The following SLC25A26 variants were observed in gnomAD, a reference collection of about 807,000 sequenced individuals.
The protein encoded by SLC25A26 is solute carrier family 25 member 26, also known as mitochondrial S-adenosylmethionine carrier protein.
Under a neutral mutation model 37.8 loss-of-function variants are expected in SLC25A26, and 36 were observed. That is an observed-to-expected ratio of 0.95 (90% confidence interval 0.73 to 1.26). The LOEUF (loss-of-function observed/expected upper bound fraction) is 1.26. Ranked by LOEUF, SLC25A26 falls within the 50% of genes most tolerant of loss-of-function variation. The pLI, the probability that SLC25A26 is intolerant of heterozygous loss-of-function variation, is 0.00. For synonymous variants in SLC25A26, 129 were observed against 122.5 expected (o/e 1.05, Z -0.35); for missense variants, 390 against 331.1 (o/e 1.18, Z -1.38).
chr3:66,297,057 G>A (rs964983952), intron 5 of SLC25A26, among the ~76,000 whole-genome samples: 1 of 152,180 alleles, frequency 6.6e-6, no homozygotes, highest in African/African-American at 2.4e-5. Context: ...AGGTGCGGTG[G>A]CTCACGCCTG....
chr3:66,167,564 T>C (rs947612342), intron 1 of SLC25A26, among the ~76,000 whole-genome samples: 2 of 152,198 alleles, frequency 1.3e-5, no homozygotes, highest in Non-Finnish European at 2.9e-5. Context: ...ACTAATATGA[T>C]AACTATAATA....
intron 5 of SLC25A26, among the ~76,000 whole-genome samples, chr3:66,268,286 C>T (rs1042268808): frequency 6.6e-6 from 1 of 152,128 alleles, no homozygotes; most frequent in Non-Finnish European, 1.5e-5. Context: ...AGAATTACTT[C>T]GTGAAAAGTA....
intron 5 of SLC25A26, among the ~76,000 whole-genome samples, chr3:66,272,556 A>C (rs2073994589): frequency 6.6e-6 from 1 of 151,956 alleles, no homozygotes; most frequent in Non-Finnish European, 1.5e-5. Flanking sequence ...GCATATTATC[A>C]CGTTTGCGTG....
chr3:66,352,421 G>GTTTTTTTTTTTTT lies in SLC25A26; in HGVS notation c.498+6019_498+6020insTTTTTTTTTTTTT, dbSNP rs1379958045. 3.2e-5 allele frequency among the ~76,000 whole-genome samples: 4 copies of GTTTTTTTTTTTTT among 126,548 alleles called. 1 individual carries two copies. Among genetic ancestry groups the GTTTTTTTTTTTTT allele is most frequent in the African/African-American group, 1.5e-4 (4 of 26,918 alleles). 83.0% of individuals were successfully genotyped at this position (126,548 alleles called of 152,430 possible). ...GTGCTGCTGCCTAGCGCCTCCCCTC[G>GTTTTTTTTTTTTT]TTTTTTGTTTTTTGTTTTTTGTTTT... On this transcript the variant is annotated intron_variant, in intron 6 of 9. Coordinates refer to ENST00000354883, the MANE Select transcript of SLC25A26 (RefSeq NM_001379210.1).
intron 5 of SLC25A26, among the ~76,000 whole-genome samples, chr3:66,326,475 G>C (rs929097010): frequency 3.9e-5 from 6 of 152,204 alleles, no homozygotes; most frequent in African/African-American, 1.4e-4. Context: ...TTCTGCCCCA[G>C]AGGCTTTGCT....
intron 6 of SLC25A26, among the ~76,000 whole-genome samples, chr3:66,353,506 A>G (rs534319897): frequency 2.0e-5 from 3 of 152,348 alleles, no homozygotes; most frequent in South Asian, 2.1e-4. Context: ...ATCACGTTAC[A>G]TGTAATTATG....
chr3:66,345,588 T>G (rs1296089382), intron 5 of SLC25A26, among the ~76,000 whole-genome samples: 1 of 151,474 alleles, frequency 6.6e-6, no homozygotes, highest in Non-Finnish European at 1.5e-5. Context: ...TTTCCTTTTC[T>G]TCCACTCCTT....
chr3:66,209,141 A>G (rs2071235329), intron 1 of SLC25A26, among the ~76,000 whole-genome samples: 1 of 89,864 alleles, frequency 1.1e-5, no homozygotes, highest in Non-Finnish European at 2.2e-5. Context: ...TACCTTTTAT[A>G]TATATATATA....
chr3:66,337,989 T>G (rs756963530), intron 5 of SLC25A26, among the ~76,000 whole-genome samples: 11 of 152,038 alleles, frequency 7.2e-5, no homozygotes, highest in Non-Finnish European at 1.5e-4. Flanking sequence ...CCCCATATCC[T>G]TATGATATTG....
At chr3:66,270,805 G>A (rs191068832) in intron 5 of SLC25A26, among the ~76,000 whole-genome samples, 2 of 152,126 alleles carry the variant, frequency 1.3e-5, no homozygotes, top group African/African-American at 4.8e-5. Flanking sequence ...GAACAATTGA[G>A]TAAAATTATC....
chr3:66,254,858 A>G (rs573693163), intron 3 of SLC25A26, among the ~76,000 whole-genome samples: 5 of 152,328 alleles, frequency 3.3e-5, no homozygotes, highest in East Asian at 3.9e-4. Flanking sequence ...TTTGTGAACT[A>G]TGTTGAAATA....
At chr3:66,272,197 C>T (rs961629790) in intron 5 of SLC25A26, among the ~76,000 whole-genome samples, 2 of 152,104 alleles carry the variant, frequency 1.3e-5, no homozygotes, top group African/African-American at 4.8e-5. Flanking sequence ...AATGCGATCC[C>T]TACTTGACAG....
rs143137597 is a variant in SLC25A26, at chr3:66,174,100, A to G, written c.-354+40116A>G. Among the ~76,000 whole-genome samples the G allele has an allele frequency of 2.8e-3, 420 of 152,032 alleles. 1 individual carries two copies. Among genetic ancestry groups the G allele is most frequent in the African/African-American group, 9.9e-3 (410 of 41,540 alleles). The stretch of plus-strand genomic sequence containing the variant: ...GAAAGTCTAACAAAACCATTGGTAG[A>G]ATGGGCTTGCTTTAAAATATTAAGT... On this transcript the variant is annotated intron_variant, in intron 1 of 10. Coordinates refer to the SLC25A26 transcript ENST00000676754.
intron 1 of SLC25A26, among the ~76,000 whole-genome samples, chr3:66,178,303 C>T (rs2070628642): frequency 6.6e-6 from 1 of 152,180 alleles, no homozygotes; most frequent in Non-Finnish European, 1.5e-5. Flanking sequence ...CTGAAGCCTT[C>T]CTGGCTCATG....
chr3:66,140,542 A>G (rs1003561279), intron 1 of SLC25A26, among the ~76,000 whole-genome samples: 13 of 152,232 alleles, frequency 8.5e-5, no homozygotes, highest in South Asian at 2.1e-4. Context: ...AATGAATTCA[A>G]CTAACATACA....
In SLC25A26 at chr3:66,226,237, G is replaced by T. The variant is rs142718583; in HGVS notation, c.33+5110G>T. On this transcript the variant is annotated intron_variant, in intron 1 of 9. Coordinates refer to ENST00000354883, the MANE Select transcript of SLC25A26 (RefSeq NM_001379210.1). ...ACAATCATGGTAGAAGGCAAAGGAG[G>T]AGCAAAGTCACGTCTTACATGGCTG... 6.2e-4 allele frequency among the ~76,000 whole-genome samples: 95 copies of T among 152,280 alleles called. 1 individual carries two copies. In the East Asian group the frequency reaches 0.015, roughly 24 times the overall value.
intron 1 of SLC25A26, 77 bp from the exon 2 acceptor site, chr3:66,236,467 T>A: frequency 8.4e-7 from 1 of 1,189,066 alleles, no homozygotes; most frequent in South Asian, 1.9e-5. Context: ...TCTTCCTATC[T>A]TCGCCCCCAA....
chr3:66,144,007 A>G (rs1373895574), intron 1 of SLC25A26, among the ~76,000 whole-genome samples: 1 of 152,216 alleles, frequency 6.6e-6, no homozygotes, highest in Non-Finnish European at 1.5e-5. Context: ...AACACTGACA[A>G]TAAGAAAATA....
chr3:66,169,401 C>T (rs1416665410), intron 1 of SLC25A26, among the ~76,000 whole-genome samples: 1 of 152,176 alleles, frequency 6.6e-6, no homozygotes, highest in African/African-American at 2.4e-5. Flanking sequence ...ATTTCCTCTG[C>T]CTTGAAGTGC....
Sources: gnomAD v4.1 joint callset for allele counts (sites outside exome capture counted in the v4.1 genomes callset) on GRCh38, gnomAD v4.1.1 for gene constraint, MANE v1.5 for transcripts, NCBI Gene and HGNC (gene_info 2026-07-23, HGNC 2026-07-21) for gene names.